Variants in RNF141 observed in about 807,000 individuals in gnomAD.
RNF141 encodes C3HC4-like zinc finger protein.
Under a neutral mutation model 27.4 loss-of-function variants are expected in RNF141, and 18 were observed. The ratio of observed to expected loss-of-function variants is 0.66; its 90% CI spans 0.45 to 0.97. RNF141 has a LOEUF of 0.97. RNF141 is among the 50% of genes least tolerant of loss of function. The probability of loss-of-function intolerance (pLI) is 0.00; values close to 1 mark genes in which losing one functional copy is unlikely to be tolerated. For missense variants in RNF141, 230 were observed against 279.4 expected, an observed-to-expected ratio of 0.82 and a Z score of 1.26; for synonymous variants, 97 against 96.6, an observed-to-expected ratio of 1.00 and a Z score of -0.02.
chr11:10,518,962 CT>C lies in RNF141; in HGVS notation c.542+71del, dbSNP rs1849864100. 6.8e-6 allele frequency: 8 copies of C among 1,176,402 alleles called. No homozygotes were observed. In the South Asian group the frequency reaches 1.0e-4, roughly 15 times the overall value. 72.9% of individuals were successfully genotyped at this position (1,176,402 alleles called of 1,614,324 possible). On this transcript the variant is annotated intron_variant, in intron 5 of 5. Coordinates refer to ENST00000265981, the MANE Select transcript of RNF141 (RefSeq NM_016422.4). ...CATACTTAACTACAGTATTTTTGCACTTTTCAAAGTTTATTCATGTACACTA... is the reference window on the plus strand; with the variant it reads ...CATACTTAACTACAGTATTTTTGCACTTTCAAAGTTTATTCATGTACACTA...
chr11:10,531,374 CA>C (rs10664382), intron 2 of RNF141, among the ~76,000 whole-genome samples: 2 of 134,002 alleles, frequency 1.5e-5, no homozygotes, highest in African/African-American at 2.8e-5. Flanking sequence ...GACTCAGTCT[CA>C]AAAAAAAAAA....
At chr11:10,523,241 T>C (rs1849904152) in intron 4 of RNF141, among the ~76,000 whole-genome samples, 1 of 152,170 alleles carries the variant, frequency 6.6e-6, no homozygotes, top group African/African-American at 2.4e-5. Context: ...CACTGAGTAA[T>C]AAATTTTCAG....
At chr11:10,533,960 T>C (rs1047699380) in intron 2 of RNF141, 56 bp downstream of exon 2, 2 of 1,530,906 alleles carry the variant, frequency 1.3e-6, no homozygotes, top group Non-Finnish European at 1.8e-6. Context: ...AGCCATGACA[T>C]ATGGGGCATA....
chr11:10,523,927 G>A (rs1849909465), intron 4 of RNF141, among the ~76,000 whole-genome samples: 1 of 152,156 alleles, frequency 6.6e-6, no homozygotes, highest in Non-Finnish European at 1.5e-5. Flanking sequence ...CCTAAACACT[G>A]CCTACCATGT....
intron 4 of RNF141, among the ~76,000 whole-genome samples, chr11:10,524,799 A>T (rs931531917): frequency 6.6e-6 from 1 of 152,150 alleles, no homozygotes; most frequent in African/African-American, 2.4e-5. Flanking sequence ...TTAATGCTTC[A>T]ATTAGACATT....
At chr11:10,529,450 GGAAAA>G (rs1591499642) in intron 3 of RNF141, among the ~76,000 whole-genome samples, 2 of 152,158 alleles carry the variant, frequency 1.3e-5, no homozygotes, top group African/African-American at 4.8e-5. Context: ...GCACTGAACT[GGAAAA>G]GAAAAGTAAC....
At chr11:10,537,884 T>C (rs1850051945) in intron 1 of RNF141, among the ~76,000 whole-genome samples, 2 of 152,234 alleles carry the variant, frequency 1.3e-5, no homozygotes, top group Admixed American at 6.5e-5. Flanking sequence ...CCTCCTGGCA[T>C]AGAGAGGACA....
At chr11:10,520,466 T>A (rs1428784999) in intron 4 of RNF141, among the ~76,000 whole-genome samples, 1 of 152,204 alleles carries the variant, frequency 6.6e-6, no homozygotes, top group Non-Finnish European at 1.5e-5. Flanking sequence ...CTTGTCCCAC[T>A]GGAAGGTCTT....
chr11:10,523,969 T>C (rs1308563410), intron 4 of RNF141, among the ~76,000 whole-genome samples: 3 of 152,234 alleles, frequency 2.0e-5, no homozygotes, highest in African/African-American at 7.2e-5. Flanking sequence ...CAGTAACACT[T>C]GTATAGACCA....
chr11:10,531,108 G>T (rs1418114665), intron 2 of RNF141, among the ~76,000 whole-genome samples: 1 of 152,170 alleles, frequency 6.6e-6, no homozygotes, highest in African/African-American at 2.4e-5. Flanking sequence ...CCAGGGCAGT[G>T]GCTCACACCT....
chr11:10,524,745 C>T (rs1849917139), intron 4 of RNF141, among the ~76,000 whole-genome samples: 1 of 152,152 alleles, frequency 6.6e-6, no homozygotes, highest in Admixed American at 6.5e-5. Flanking sequence ...CATTCGGTTC[C>T]TTCCTGAATG....
At chr11:10,520,423 G>A (rs549401187) in intron 4 of RNF141, among the ~76,000 whole-genome samples, 1 of 152,144 alleles carries the variant, frequency 6.6e-6, no homozygotes, top group Non-Finnish European at 1.5e-5. Flanking sequence ...ACAGCGTCAG[G>A]ATCACCACCA....
At chr11:10,518,995 T>G in intron 5 of RNF141, 39 bp downstream of exon 5, 1 of 1,512,674 alleles carries the variant, frequency 6.6e-7, no homozygotes, top group Non-Finnish European at 9.2e-7. Flanking sequence ...ACTATCCCAC[T>G]GACCTTGGCC....
chr11:10,533,600 T>C (rs1332174372), intron 2 of RNF141, among the ~76,000 whole-genome samples: 1 of 152,108 alleles, frequency 6.6e-6, no homozygotes, highest in East Asian at 1.9e-4. Flanking sequence ...AATTGCTTCA[T>C]GTACAGAAAC....
intron 4 of RNF141, among the ~76,000 whole-genome samples, chr11:10,522,139 A>C (rs1260400344): frequency 6.6e-6 from 1 of 152,244 alleles, no homozygotes; most frequent in Non-Finnish European, 1.5e-5. Flanking sequence ...ATACGTTAGT[A>C]ACAGGGAAAA....
Position 10,519,033 on chromosome 11 carries a change from C to T in RNF141, c.542+1G>A. On this transcript the variant is annotated splice_donor_variant, in intron 5 of 5. Transcript: ENST00000265981. LOFTEE classifies it high-confidence loss of function. ...GCCCATGAATGCAGTAGGTAACTTA[C>T]CATTTATCAATACACTTCTGACAAA... 6.2e-7 allele frequency: 1 copy of T among 1,612,916 alleles called. No homozygotes were observed. The highest frequency in any genetic ancestry group is 8.5e-7 in the Non-Finnish European group (1 of 1,179,022).
Position 10,526,141 on chromosome 11 carries a change from T to A in RNF141, c.253-768A>T, listed in dbSNP as rs573891143. On this transcript the variant is annotated intron_variant, in intron 3 of 5. Transcript: ENST00000265981. ...GAAGAACTTGAAATCAGAGAAAGATTAGAGACATGAAAGACTTCCTTTCAG... is the reference window on the plus strand; with the variant it reads ...GAAGAACTTGAAATCAGAGAAAGATAAGAGACATGAAAGACTTCCTTTCAG... 4.6e-5 allele frequency among the ~76,000 whole-genome samples: 7 copies of A among 152,258 alleles called. No homozygotes were observed. In the South Asian group the frequency reaches 1.5e-3, roughly 32 times the overall value.
At chr11:10,517,254 T>C (rs1849850075) in intron 5 of RNF141, 1 of 152,054 alleles carries the variant, frequency 6.6e-6, no homozygotes, top group Admixed American at 6.5e-5. Context: ...TGGATAGAAT[T>C]AATGGCAAGT....
intron 1 of RNF141, among the ~76,000 whole-genome samples, chr11:10,539,341 C>T (rs899723584): frequency 6.6e-6 from 1 of 151,962 alleles, no homozygotes; most frequent in African/African-American, 2.4e-5. Context: ...GACTAAATGA[C>T]AAGTACTGCA....
Sources: allele counts gnomAD v4.1 joint callset (sites outside exome capture counted in the v4.1 genomes callset), GRCh38; gene constraint gnomAD v4.1.1; transcripts MANE v1.5; gene names NCBI Gene and HGNC (gene_info 2026-07-23, HGNC 2026-07-21).